B4GALT1: variants seen among roughly 807,000 people sequenced by gnomAD.
The protein encoded by B4GALT1 is beta-1,4-galactosyltransferase 1, also known as N-acetyllactosamine synthase.
B4GALT1 carries 16 observed loss-of-function variants against 34.9 expected under a neutral mutation model. The ratio of observed to expected loss-of-function variants is 0.46; its 90% CI spans 0.31 to 0.70. The LOEUF (loss-of-function observed/expected upper bound fraction) is 0.70. Ranked by LOEUF, B4GALT1 falls within the 30% of genes least tolerant of loss-of-function variation. The probability of loss-of-function intolerance (pLI) is 0.05; values close to 1 mark genes in which losing one functional copy is unlikely to be tolerated. For missense variants in B4GALT1, 445 were observed against 530.5 expected, an observed-to-expected ratio of 0.84 and a Z score of 1.58; for synonymous variants, 221 against 218.1, an observed-to-expected ratio of 1.01 and a Z score of -0.12.
intron 4 of B4GALT1, among the ~76,000 whole-genome samples, chr9:33,114,535 A>G (rs571096809): frequency 2.6e-5 from 1 of 38,392 alleles, no homozygotes; most frequent in Admixed American, 2.9e-4. Context: ...AAATGCTTTT[A>G]GCCATGGGGA....
intron 2 of B4GALT1, among the ~76,000 whole-genome samples, chr9:33,131,240 G>T (rs2118132195): frequency 6.6e-6 from 1 of 152,300 alleles, no homozygotes; most frequent in African/African-American, 2.4e-5. Flanking sequence ...TTGAGCCGCA[G>T]CCCTACTGTT....
At chr9:33,152,142 T>C (rs1331658590) in intron 1 of B4GALT1, among the ~76,000 whole-genome samples, 1 of 151,850 alleles carries the variant, frequency 6.6e-6, no homozygotes. Flanking sequence ...CCGTCTCTAC[T>C]AAAACACAAA....
At chr9:33,165,114 A>C (rs1221902931) in intron 1 of B4GALT1, among the ~76,000 whole-genome samples, 1 of 151,412 alleles carries the variant, frequency 6.6e-6, no homozygotes. Flanking sequence ...CTGCGATGCC[A>C]CCACCCCTGG....
chr9:33,154,171 T>C (rs1418171175), intron 1 of B4GALT1, among the ~76,000 whole-genome samples: 2 of 152,306 alleles, frequency 1.3e-5, no homozygotes, highest in African/African-American at 4.8e-5. Flanking sequence ...GTGGGATTTA[T>C]CCCAGGTATG....
chr9:33,116,521 C>CTAT (rs1554684681), intron 3 of B4GALT1, among the ~76,000 whole-genome samples: 1 of 107,308 alleles, frequency 9.3e-6, no homozygotes, highest in Non-Finnish European at 1.7e-5. Flanking sequence ...CAAACCGGAT[C>CTAT]TTTTTTTTTT....
At chr9:33,126,660 G>GTTAACCATTGTTAA in intron 2 of B4GALT1, among the ~76,000 whole-genome samples, 396 of 149,706 alleles carry the variant, frequency 2.6e-3, no homozygotes, top group Non-Finnish European at 3.0e-3. Flanking sequence ...GTTAACCATA[G>GTTAACCATTGTTAA]CAATATGGTA....
intron 1 of B4GALT1, among the ~76,000 whole-genome samples, chr9:33,156,443 A>G (rs1587748838): frequency 6.6e-6 from 1 of 152,314 alleles, no homozygotes; most frequent in East Asian, 1.9e-4. Flanking sequence ...CAGGATCTGT[A>G]AACTTTTAGT....
intron 1 of B4GALT1, among the ~76,000 whole-genome samples, chr9:33,157,636 T>C (rs75785805): frequency 0.04 from 6,113 of 152,274 alleles, 176 homozygotes; most frequent in Non-Finnish European, 0.064. Context: ...CAAGCTCTGT[T>C]ACAGAAGTGG....
rs1564033760 is a variant in B4GALT1 at position 33,111,276 on chromosome 9, A to AAAAAAAAAAAAAAAAAAAAAC, written c.*2177_*2178insGTTTTTTTTTTTTTTTTTTTT. 7 of 105,926 alleles carry AAAAAAAAAAAAAAAAAAAAAC rather than the reference A, an allele frequency of 6.6e-5. No individual in the cohort carries two copies. Among genetic ancestry groups the AAAAAAAAAAAAAAAAAAAAAC allele is most frequent in the Non-Finnish European group, 1.4e-4 (7 of 49,222 alleles). 6.6% of individuals were successfully genotyped at this position (105,926 alleles called of 1,614,324 possible). The stretch of plus-strand genomic sequence containing the variant: ...AAAAAAAAAAAAAAAAAAAAAAAAA[A>AAAAAAAAAAAAAAAAAAAAAC]AACAACAAGAAAAGGTAGAGTTTGG... On this transcript the variant is annotated 3_prime_UTR_variant, in exon 6 of 6. Coordinates refer to ENST00000379731, the MANE Select transcript of B4GALT1 (RefSeq NM_001497.4).
intron 1 of B4GALT1, among the ~76,000 whole-genome samples, chr9:33,148,856 C>G (rs1050668080): frequency 7.9e-5 from 11 of 139,902 alleles, no homozygotes; most frequent in African/African-American, 3.0e-4. Context: ...CAAAAGAAAA[C>G]AGGAACCAGG....
the B4GALT1 span, among the ~76,000 whole-genome samples, chr9:33,177,907 G>C: frequency 6.6e-6 from 1 of 151,844 alleles, no homozygotes; most frequent in Non-Finnish European, 1.5e-5. Context: ...GGCCCCCACA[G>C]AGTTGCTTGG....
chr9:33,120,918 T>C (rs180826588), intron 2 of B4GALT1, among the ~76,000 whole-genome samples: 50 of 152,262 alleles, frequency 3.3e-4, no homozygotes, highest in African/African-American at 8.2e-4. Context: ...CAATAAATCA[T>C]AGTACATCCA....
the B4GALT1 span, among the ~76,000 whole-genome samples, chr9:33,183,553 A>C: frequency 1.3e-4 from 18 of 138,564 alleles, no homozygotes. Context: ...GAAACACCGC[A>C]TATTCTCACT....
chr9:33,159,593 A>T (rs563909273), intron 1 of B4GALT1, among the ~76,000 whole-genome samples: 1 of 152,320 alleles, frequency 6.6e-6, no homozygotes, highest in South Asian at 2.1e-4. Flanking sequence ...CACCTGAATC[A>T]GCCCCAACTG....
chr9:33,116,217 T>C (rs1839935567), intron 3 of B4GALT1, 104 bp from the exon 4 acceptor site: 3 of 1,411,194 alleles, frequency 2.1e-6, no homozygotes, highest in African/African-American at 3.0e-5. Context: ...GTTATTCTTT[T>C]TGCTTCTCTA....
intron 2 of B4GALT1, among the ~76,000 whole-genome samples, chr9:33,134,619 C>T (rs3824459): frequency 0.023 from 3,477 of 152,276 alleles, 59 homozygotes; most frequent in East Asian, 0.061. Context: ...ATGGATCAGA[C>T]GAGCAGTGAG....
Position 33,113,246 on chromosome 9 carries a change from T to G in B4GALT1, c.*208A>C. ...AGAAACCCGCAAAGGCATAAACACCTTGCAGAGCTAAGAATTCACATGCCG... is the reference window on the plus strand; with the variant it reads ...AGAAACCCGCAAAGGCATAAACACCGTGCAGAGCTAAGAATTCACATGCCG... On this transcript the variant is annotated 3_prime_UTR_variant, in exon 6 of 6. Transcript: ENST00000379731. 3 of 677,290 alleles carry G rather than the reference T, an allele frequency of 4.4e-6. No homozygotes were observed. Among genetic ancestry groups the G allele is most frequent in the South Asian group, 3.5e-5 (2 of 57,146 alleles). 42.0% of individuals were successfully genotyped at this position (677,290 alleles called of 1,614,324 possible). A position where few individuals can be genotyped will look rare whatever the true frequency, so the allele number is the denominator to read the frequency against.
At chr9:33,174,958 TAAAAAAAAAAA>T in the B4GALT1 span, among the ~76,000 whole-genome samples, 57 of 13,336 alleles carry the variant, frequency 4.3e-3, no homozygotes, top group South Asian at 0.012. Context: ...GACTCTGTCT[TAAAAAAAAAAA>T]AAAAAAAAAA....
At chr9:33,136,033 G>A (rs180904670) in intron 1 of B4GALT1, among the ~76,000 whole-genome samples, 14 of 152,056 alleles carry the variant, frequency 9.2e-5, no homozygotes, top group Admixed American at 6.6e-4. Context: ...GAAGGGACTC[G>A]ATGGAAGGTG....
Sources: allele counts gnomAD v4.1 joint callset (sites outside exome capture counted in the v4.1 genomes callset), GRCh38; gene constraint gnomAD v4.1.1; transcripts MANE v1.5; gene names NCBI Gene and HGNC (gene_info 2026-07-23, HGNC 2026-07-21).